Variants in SLC35F4 observed in about 807,000 individuals in gnomAD.
The protein encoded by SLC35F4 is chromosome 14 open reading frame 36.
Under a neutral mutation model 44.2 loss-of-function variants are expected in SLC35F4, and 24 were observed. The observed-to-expected ratio is 0.54, with a 90% CI of 0.39 to 0.76. The LOEUF is 0.76. Among genes scored for constraint, SLC35F4 ranks in the 30% least tolerant of loss-of-function variants. The pLI is 0.00. For missense variants in SLC35F4, 562 were observed against 586.1 expected, an observed-to-expected ratio of 0.96 and a Z score of 0.42; for synonymous variants, 238 against 223.6, an observed-to-expected ratio of 1.06 and a Z score of -0.57.
At chr14:57,605,817 A>G (rs1297852225) in intron 1 of SLC35F4, among the ~76,000 whole-genome samples, 1 of 152,180 alleles carries the variant, frequency 6.6e-6, no homozygotes, top group Non-Finnish European at 1.5e-5. Flanking sequence ...GCAACAACAC[A>G]GATACAACTG....
chr14:57,866,364 A>T (rs1888157311), upstream of SLC35F4, among the ~76,000 whole-genome samples: 1 of 152,052 alleles, frequency 6.6e-6, no homozygotes, highest in African/African-American at 2.4e-5. Context: ...CGGGGAGAAG[A>T]CACTTCTGGG....
chr14:57,703,067 C>A (rs1384792552), intron 1 of SLC35F4, among the ~76,000 whole-genome samples: 1 of 152,092 alleles, frequency 6.6e-6, no homozygotes, highest in African/African-American at 2.4e-5. Flanking sequence ...TCTGCTAAGC[C>A]AGATGGCACG....
intron 1 of SLC35F4, among the ~76,000 whole-genome samples, chr14:57,707,428 T>G (rs2075704606): frequency 6.6e-6 from 1 of 152,086 alleles, no homozygotes; most frequent in Non-Finnish European, 1.5e-5. Flanking sequence ...CATCTGGCAT[T>G]CCCCCTGCTT....
At chr14:57,605,526 T>C (rs992930601) in intron 1 of SLC35F4, among the ~76,000 whole-genome samples, 1 of 152,146 alleles carries the variant, frequency 6.6e-6, no homozygotes, top group African/African-American at 2.4e-5. Context: ...ATCAGTTCAA[T>C]CACTGTAGAG....
chr14:57,654,120 C>G (rs1050878282), intron 1 of SLC35F4, among the ~76,000 whole-genome samples: 3 of 152,076 alleles, frequency 2.0e-5, no homozygotes, highest in African/African-American at 7.2e-5. Context: ...AGTATGGCTT[C>G]GTTTTATTTA....
chr14:57,622,003 C>T (rs1200736896), intron 1 of SLC35F4, among the ~76,000 whole-genome samples: 4 of 151,138 alleles, frequency 2.6e-5, no homozygotes, highest in Non-Finnish European at 5.9e-5. Context: ...AAAAAGTGGG[C>T]GAACGACATG....
intron 3 of SLC35F4, among the ~76,000 whole-genome samples, chr14:57,586,135 G>A (rs574746197): frequency 2.0e-5 from 3 of 152,214 alleles, no homozygotes; most frequent in South Asian, 4.1e-4. Context: ...CAGAGATATA[G>A]ACCAATGGAA....
rs115887950 is a variant in SLC35F4, at chr14:57,961,039, C to T, written n.282+20874G>A. ...CACGTGTGGTGCTGGCAATGGACCC[C>T]CAACTCAGGCTCTGGCTCGTCAAGA... On this transcript the variant is annotated intron_variant and non_coding_transcript_variant, in intron 1 of 1. Transcript: ENST00000556568. 8.3e-3 allele frequency among the ~76,000 whole-genome samples: 1,262 copies of T among 152,240 alleles called. 14 individuals are homozygous for T. Among genetic ancestry groups the T allele is most frequent in the African/African-American group, 0.029 (1,186 of 41,532 alleles).
At chr14:57,687,223 G>A (rs1465231325) in intron 1 of SLC35F4, among the ~76,000 whole-genome samples, 2 of 152,236 alleles carry the variant, frequency 1.3e-5, no homozygotes, top group East Asian at 3.9e-4. Context: ...AGCCCTAGAA[G>A]ACTAAGGCAA....
At chr14:57,812,587 A>G (rs2140889062) in intron 1 of SLC35F4, among the ~76,000 whole-genome samples, 1 of 152,246 alleles carries the variant, frequency 6.6e-6, no homozygotes, top group East Asian at 1.9e-4. Flanking sequence ...CATTTCACCC[A>G]GTGCTCAAGG....
intron 2 of SLC35F4, among the ~76,000 whole-genome samples, chr14:57,592,024 C>T (rs184640486): frequency 2.6e-5 from 4 of 152,238 alleles, no homozygotes; most frequent in South Asian, 2.1e-4. Context: ...GCCAATTCTT[C>T]GATTTTACAA....
At chr14:57,929,212 T>C (rs925185227) in intron 1 of SLC35F4, among the ~76,000 whole-genome samples, 3 of 152,150 alleles carry the variant, frequency 2.0e-5, no homozygotes, top group African/African-American at 7.2e-5. Flanking sequence ...GCCAAACAAA[T>C]TGTTCTATTA....
At chr14:57,664,546 C>T (rs1221986999) in intron 1 of SLC35F4, among the ~76,000 whole-genome samples, 1 of 152,114 alleles carries the variant, frequency 6.6e-6, no homozygotes, top group African/African-American at 2.4e-5. Flanking sequence ...GTAGCTAGGA[C>T]TACAGGCACA....
intron 1 of SLC35F4, among the ~76,000 whole-genome samples, chr14:57,785,708 G>A (rs964835718): frequency 6.6e-6 from 1 of 152,184 alleles, no homozygotes; most frequent in African/African-American, 2.4e-5. Flanking sequence ...CTGGAGCTGA[G>A]TCCATTTAGA....
intron 1 of SLC35F4, among the ~76,000 whole-genome samples, chr14:57,749,358 A>G (rs1268787425): frequency 6.6e-6 from 1 of 152,164 alleles, no homozygotes; most frequent in Non-Finnish European, 1.5e-5. Context: ...CTTTCATAGC[A>G]ATTTGACATT....
intron 1 of SLC35F4, among the ~76,000 whole-genome samples, chr14:57,771,220 T>TA (rs1450094206): frequency 6.6e-6 from 1 of 152,198 alleles, no homozygotes; most frequent in Non-Finnish European, 1.5e-5. Flanking sequence ...ATTGTACACT[T>TA]ACCTGACTGA....
intron 1 of SLC35F4, among the ~76,000 whole-genome samples, chr14:57,689,638 C>CA (rs1226600077): frequency 6.7e-6 from 1 of 148,510 alleles, no homozygotes; most frequent in Non-Finnish European, 1.5e-5. Context: ...ATCACAGGGA[C>CA]AAAAAACCAA....
At position 57,593,936 on chromosome 14, in the gene SLC35F4, T is replaced by C. The variant is rs757963393; in HGVS notation, c.289+3A>G. 2.5e-6 allele frequency: 4 copies of C among 1,613,532 alleles called. No individual in the cohort carries two copies. In the African/African-American group the frequency reaches 5.3e-5, roughly 22 times the overall value. ...GTTATTTAAGAGGAGGTCACCCACA[T>C]ACCTGATCTGTTCTGTCTCTCAACT... On this transcript the variant is annotated splice_donor_region_variant and intron_variant, in intron 2 of 7. Transcript: ENST00000556826.
chr14:57,772,278 G>C (rs944113070), intron 1 of SLC35F4, among the ~76,000 whole-genome samples: 6 of 152,154 alleles, frequency 3.9e-5, no homozygotes, highest in African/African-American at 1.2e-4. Context: ...ATAATTCCTG[G>C]AATAAAATTC....
Sources: gnomAD v4.1 joint callset for allele counts (sites outside exome capture counted in the v4.1 genomes callset) on GRCh38, gnomAD v4.1.1 for gene constraint, MANE v1.5 for transcripts, NCBI Gene and HGNC (gene_info 2026-07-23, HGNC 2026-07-21) for gene names.